SLC45A4: variants seen among roughly 807,000 people sequenced by gnomAD.
SLC45A4 encodes solute carrier family 45 member 4.
A neutral mutation model predicts 63.7 loss-of-function variants in SLC45A4; 32 were observed. The ratio of observed to expected loss-of-function variants is 0.50; its 90% CI spans 0.38 to 0.67. SLC45A4 has a LOEUF of 0.67. SLC45A4 is among the 30% of genes least tolerant of loss of function. The pLI is 0.00. For missense variants in SLC45A4, 1,027 were observed against 1,157.7 expected (o/e 0.89, Z 1.64); for synonymous variants, 535 against 510.0 (o/e 1.05, Z -0.66).
chr8:141,259,276 A>C (rs1828948808), intron 1 of SLC45A4, among the ~76,000 whole-genome samples: 1 of 152,244 alleles, frequency 6.6e-6, no homozygotes, highest in African/African-American at 2.4e-5. Context: ...AGGGGCCAGC[A>C]AGACGGCTTC....
At chr8:141,270,127 C>T (rs779661657) in intron 1 of SLC45A4, among the ~76,000 whole-genome samples, 21 of 152,104 alleles carry the variant, frequency 1.4e-4, no homozygotes, top group Non-Finnish European at 4.4e-5. Flanking sequence ...GTTGGACTAC[C>T]TCTGGGTCCA....
intron 1 of SLC45A4, among the ~76,000 whole-genome samples, chr8:141,281,863 G>C (rs1829960614): frequency 6.6e-6 from 1 of 152,142 alleles, no homozygotes; most frequent in Admixed American, 6.5e-5. Context: ...AGGTTAATAA[G>C]TGTTTCGCAC....
At chr8:141,305,592 T>C (rs1589872393) in intron 1 of SLC45A4, among the ~76,000 whole-genome samples, 1 of 152,352 alleles carries the variant, frequency 6.6e-6, no homozygotes. Flanking sequence ...AGAAGGGCAC[T>C]GGCAATTTGG....
intron 2 of SLC45A4, among the ~76,000 whole-genome samples, chr8:141,239,172 T>C (rs1827777973): frequency 6.6e-6 from 1 of 152,192 alleles, no homozygotes; most frequent in Admixed American, 6.5e-5. Context: ...GCGGCAAACA[T>C]GCCCCTTAGG....
At chr8:141,220,426 C>T (rs1169279231) in intron 3 of SLC45A4, among the ~76,000 whole-genome samples, 2 of 152,194 alleles carry the variant, frequency 1.3e-5, no homozygotes, top group African/African-American at 2.4e-5. Flanking sequence ...ACCTCACCTA[C>T]GAGTCCTCCT....
chr8:141,234,785 G>A (rs1289966632), intron 2 of SLC45A4, among the ~76,000 whole-genome samples: 3 of 152,166 alleles, frequency 2.0e-5, no homozygotes, highest in Admixed American at 2.0e-4. Context: ...CAGGAAAGCT[G>A]GACACAGCTC....
At chr8:141,283,233 G>C (rs1461568997) in intron 1 of SLC45A4, among the ~76,000 whole-genome samples, 1 of 152,224 alleles carries the variant, frequency 6.6e-6, no homozygotes, top group Non-Finnish European at 1.5e-5. Flanking sequence ...TCTGTGGGGA[G>C]CCCAGGCTAC....
intron 1 of SLC45A4, among the ~76,000 whole-genome samples, chr8:141,261,215 G>A (rs1461879589): frequency 2.0e-5 from 3 of 152,190 alleles, no homozygotes; most frequent in Admixed American, 6.5e-5. Flanking sequence ...AGGTATTGAT[G>A]GGACGTATCT....
At chr8:141,238,242 TC>T (rs1284185162) in intron 2 of SLC45A4, among the ~76,000 whole-genome samples, 1 of 152,082 alleles carries the variant, frequency 6.6e-6, no homozygotes, top group Non-Finnish European at 1.5e-5. Flanking sequence ...AAGCTATAAG[TC>T]TCCAGTCAGC....
intron 1 of SLC45A4, among the ~76,000 whole-genome samples, chr8:141,268,525 G>A (rs1011472611): frequency 6.6e-5 from 10 of 152,188 alleles, no homozygotes; most frequent in Non-Finnish European, 1.5e-4. Flanking sequence ...CACAGACACT[G>A]GGGGAGGCTG....
At chr8:141,298,000 T>C (rs555053085) in intron 1 of SLC45A4, among the ~76,000 whole-genome samples, 7 of 147,138 alleles carry the variant, frequency 4.8e-5, no homozygotes, top group African/African-American at 1.3e-4. Context: ...CAGCTGTGGA[T>C]GGTGGGCCAC....
chr8:141,257,533 A>G (rs1368503965), intron 1 of SLC45A4, among the ~76,000 whole-genome samples: 1 of 152,220 alleles, frequency 6.6e-6, no homozygotes, highest in Non-Finnish European at 1.5e-5. Context: ...GTCCCATTAC[A>G]GTGTCCTCGG....
chr8:141,228,133 G>T, intron 2 of SLC45A4: 1 of 1,612,218 alleles, frequency 6.2e-7, no homozygotes, highest in South Asian at 1.1e-5. Flanking sequence ...GCTTTAGATG[G>T]AGTGATCTGG....
chr8:141,288,557 T>C (rs1277260238), intron 1 of SLC45A4, among the ~76,000 whole-genome samples: 2 of 152,270 alleles, frequency 1.3e-5, no homozygotes, highest in East Asian at 3.9e-4. Context: ...GGAGCCCAGC[T>C]AGTCTACACA....
At position 141,211,208 on chromosome 8, in the gene SLC45A4, A is replaced by G. The variant is rs1287702541; in HGVS notation, c.*364T>C. The G allele has an allele frequency of 2.4e-6, 1 of 424,164 alleles. No individual in the cohort carries two copies. Among genetic ancestry groups the G allele is most frequent in the Non-Finnish European group, 4.2e-6 (1 of 240,302 alleles). The allele number at this position is 424,164 out of a possible 1,614,324, so 26.3% of individuals were successfully genotyped here. On this transcript the variant is annotated 3_prime_UTR_variant, in exon 9 of 9. Coordinates refer to ENST00000517878, the MANE Select transcript of SLC45A4 (RefSeq NM_001286646.2). ...CAGGAATCCCCAGCAAATGGTTTAG[A>G]GACGAATCAAAGTGCAGTGAAAGTC...
At position 141,255,538 on chromosome 8, in the gene SLC45A4, A is replaced by T. The variant is rs561303021; in HGVS notation, c.-400-909T>A. On this transcript the variant is annotated intron_variant, in intron 1 of 8. Transcript: ENST00000517878. ...CAAGACCTGCTTGGGCAACATGGCG[A>T]AAGCCCATCTCTACTAAAAATACAA... Among the ~76,000 whole-genome samples the T allele has an allele frequency of 1.7e-3, 256 of 152,302 alleles. No homozygotes were observed. The Middle Eastern group carries it at 0.02, about 12-fold the overall frequency.
chr8:141,298,501 C>T (rs1449924770), intron 1 of SLC45A4, among the ~76,000 whole-genome samples: 2 of 152,216 alleles, frequency 1.3e-5, no homozygotes, highest in Non-Finnish European at 2.9e-5. Context: ...ACAGTCTGAG[C>T]CTAGTGACAG....
intron 1 of SLC45A4, among the ~76,000 whole-genome samples, chr8:141,260,436 C>T (rs1196519075): frequency 5.3e-5 from 8 of 152,170 alleles, no homozygotes; most frequent in Middle Eastern, 3.2e-3. Flanking sequence ...AAGATATGCA[C>T]CCATTGGACT....
At chr8:141,291,497 G>GAA (rs1830345555) in intron 1 of SLC45A4, among the ~76,000 whole-genome samples, 1 of 152,218 alleles carries the variant, frequency 6.6e-6, no homozygotes, top group Non-Finnish European at 1.5e-5. Context: ...AGAAACAAAG[G>GAA]AAAATAGATT....
Sources: allele counts gnomAD v4.1 joint callset (sites outside exome capture counted in the v4.1 genomes callset), GRCh38; gene constraint gnomAD v4.1.1; transcripts MANE v1.5; gene names NCBI Gene and HGNC (gene_info 2026-07-23, HGNC 2026-07-21).